Variants in NLRP11 observed in about 807,000 individuals in gnomAD.
The protein encoded by NLRP11 is NLR family pyrin domain containing 11.
A neutral mutation model predicts 79.3 loss-of-function variants in NLRP11; 53 were observed. That is an observed-to-expected ratio of 0.67 (90% CI 0.54 to 0.84). NLRP11 has a LOEUF of 0.84. NLRP11 is among the 40% of genes least tolerant of loss of function. The pLI is 0.00. For synonymous variants in NLRP11, 518 were observed against 462.6 expected (o/e 1.12, Z -1.54); for missense variants, 1,264 against 1,255.0 (o/e 1.01, Z -0.11).
intron 9 of NLRP11, 117 bp downstream of exon 9, chr19:55,788,690 A>G: frequency 1.4e-6 from 1 of 708,758 alleles, no homozygotes; most frequent in Non-Finnish European, 2.2e-6. Context: ...CAATGAGCCA[A>G]GATCACGCCA....
intron 6 of NLRP11, among the ~76,000 whole-genome samples, chr19:55,793,703 C>T (rs940060815): frequency 6.6e-6 from 1 of 151,660 alleles, no homozygotes; most frequent in Admixed American, 6.6e-5. Context: ...CCTGCTTTTG[C>T]ACAGCTGCAA....
At chr19:55,798,452 TAA>T in intron 5 of NLRP11, 1 of 403,362 alleles carries the variant, frequency 2.5e-6, no homozygotes, top group Non-Finnish European at 3.4e-6. Context: ...AGATGGGAGC[TAA>T]ATGATGAGAA....
At chr19:55,805,202 G>C (rs549485476) in intron 4 of NLRP11, among the ~76,000 whole-genome samples, 5 of 152,218 alleles carry the variant, frequency 3.3e-5, no homozygotes, top group African/African-American at 1.2e-4. Flanking sequence ...GGACATCAGG[G>C]CAACAGCTTT....
chr19:55,798,013 T>TTGG, intron 5 of NLRP11, among the ~76,000 whole-genome samples: 1 of 151,116 alleles, frequency 6.6e-6, no homozygotes. Context: ...TTTTTTTTTT[T>TTGG]GAGATGGAGT....
chr19:55,796,233 A>C, exon 6 of NLRP11: 1 of 1,613,484 alleles, frequency 6.2e-7, no homozygotes, highest in Non-Finnish European at 8.5e-7. Context: ...GCTGGCTCGC[A>C]AATCACATTT....
exon 10 of NLRP11, chr19:55,785,507 A>C (rs895660223): frequency 1.3e-6 from 1 of 790,272 alleles, no homozygotes; most frequent in South Asian, 1.8e-5. Context: ...ACACACACAC[A>C]CACACACACA....
intron 4 of NLRP11, among the ~76,000 whole-genome samples, chr19:55,807,312 C>G (rs948458438): frequency 6.6e-6 from 1 of 152,094 alleles, no homozygotes; most frequent in Admixed American, 6.6e-5. Flanking sequence ...CTAATTTTCC[C>G]AGTGACTGTT....
At chr19:55,807,774 T>C in intron 4 of NLRP11, 79 bp downstream of exon 4, 1 of 972,560 alleles carries the variant, frequency 1.0e-6, no homozygotes, top group Non-Finnish European at 1.5e-6. Context: ...GTTTTGTATA[T>C]TGTCTTCTCC....
chr19:55,796,232 C>G (rs752942284), exon 6 of NLRP11: 1 of 1,612,226 alleles, frequency 6.2e-7, no homozygotes, highest in Non-Finnish European at 8.5e-7. Flanking sequence ...CGCTGGCTCG[C>G]AAATCACATT....
intron 9 of NLRP11, among the ~76,000 whole-genome samples, chr19:55,788,424 C>T (rs1361549655): frequency 6.8e-6 from 1 of 146,868 alleles, no homozygotes; most frequent in Non-Finnish European, 1.5e-5. Context: ...TCTTATAGGT[C>T]CTAGACCATC....
chr19:55,802,199 T>C (rs1979545664), intron 4 of NLRP11, among the ~76,000 whole-genome samples: 2 of 150,406 alleles, frequency 1.3e-5, no homozygotes, highest in Admixed American at 6.6e-5. Context: ...ATAAATGGCA[T>C]CCAAATAGGA....
intron 5 of NLRP11, 79 bp from the exon 6 acceptor site, chr19:55,796,329 G>C: frequency 1.9e-6 from 2 of 1,029,232 alleles, no homozygotes; most frequent in South Asian, 1.6e-5. Context: ...AAAAAAAAAA[G>C]AGAGACCTAA....
Position 55,786,849 on chromosome 19 carries a change from TAA to T in NLRP11, c.2856-980_2856-979del, listed in dbSNP as rs147277953. Among the ~76,000 whole-genome samples, 959 of 152,180 alleles carry T rather than the reference TAA, an allele frequency of 6.3e-3. 9 individuals are homozygous for T. The highest frequency in any genetic ancestry group is 0.014 in the Middle Eastern group (4 of 294). On this transcript the variant is annotated intron_variant, in intron 9 of 9. Coordinates refer to ENST00000589093, the Ensembl canonical transcript of NLRP11. ...TGAGAAGAGCCCTGGGGAGGAAAAA[TAA>T]AGAGAATAAGCAATTTGGAAAATTT...
At chr19:55,785,678 T>C in exon 10 of NLRP11, 4 of 1,614,092 alleles carry the variant, frequency 2.5e-6, no homozygotes, top group Non-Finnish European at 2.5e-6. Flanking sequence ...GCAGACATTC[T>C]GGGAAATTTG....
upstream of NLRP11, among the ~76,000 whole-genome samples, chr19:55,834,399 T>G (rs1390274097): frequency 6.6e-6 from 1 of 152,230 alleles, no homozygotes; most frequent in African/African-American, 2.4e-5. Flanking sequence ...AATGTTCAAG[T>G]ATATTAATAA....
At chr19:55,791,741 T>G (rs1004047293) in intron 7 of NLRP11, among the ~76,000 whole-genome samples, 1 of 152,190 alleles carries the variant, frequency 6.6e-6, no homozygotes, top group African/African-American at 2.4e-5. Context: ...TTCAGCATCA[T>G]TGATGAGGCA....
chr19:55,787,430 A>G (rs913234735), intron 9 of NLRP11, among the ~76,000 whole-genome samples: 10 of 152,110 alleles, frequency 6.6e-5, no homozygotes, highest in Non-Finnish European at 1.3e-4. Context: ...TCCGCCTCCC[A>G]GGTTCAAGTG....
upstream of NLRP11, among the ~76,000 whole-genome samples, chr19:55,832,410 T>C (rs1982886786): frequency 1.3e-5 from 2 of 152,330 alleles, no homozygotes; most frequent in Admixed American, 1.3e-4. Context: ...AGGGAGGCCA[T>C]AAATATTTGT....
chr19:55,801,439 G>A lies in NLRP11; in HGVS notation c.2171+133C>T, dbSNP rs987000099. ...AATGTTGGTGAAAGAAACAAACCAC[G>A]TGCTAAAAAAATTGAGGAATGAGTG... On this transcript the variant is annotated intron_variant, in intron 5 of 9. Transcript: ENST00000589093. The A allele has an allele frequency of 4.5e-6, 3 of 660,820 alleles. No individual in the cohort carries two copies. The Admixed American group carries it at 7.8e-5, about 17-fold the overall frequency. The allele number at this position is 660,820 out of a possible 1,614,324, so 40.9% of individuals were successfully genotyped here.
Sources: gnomAD v4.1 joint callset for allele counts (sites outside exome capture counted in the v4.1 genomes callset) on GRCh38, gnomAD v4.1.1 for gene constraint, MANE v1.5 for transcripts, NCBI Gene and HGNC (gene_info 2026-07-23, HGNC 2026-07-21) for gene names.